Variants in SMARCA1 observed in about 807,000 individuals in gnomAD.
The protein encoded by SMARCA1 is SWI/SNF-related matrix-associated actin-dependent regulator of chromatin subfamily A member 1.
SMARCA1 carries 17 observed loss-of-function variants against 93.6 expected under a neutral mutation model. The observed-to-expected ratio is 0.18, with a 90% CI of 0.12 to 0.27. The LOEUF (loss-of-function observed/expected upper bound fraction) is 0.27, where lower values mean the gene tolerates loss of function less well. SMARCA1 is among the 10% of genes least tolerant of loss of function. The probability of loss-of-function intolerance (pLI) is 1.00; values close to 1 mark genes in which losing one functional copy is unlikely to be tolerated. For synonymous variants in SMARCA1, 271 were observed against 271.4 expected (o/e 1.00, Z 0.01); for missense variants, 630 against 819.0 (o/e 0.77, Z 2.82).
chrX:129,474,630 T>G (rs1248165537), intron 19 of SMARCA1, among the ~76,000 whole-genome samples: 1 of 112,031 alleles, frequency 8.9e-6, no homozygotes, highest in Non-Finnish European at 1.9e-5. Flanking sequence ...AAGAATGACT[T>G]CATGAAAGCT....
intron 5 of SMARCA1, among the ~76,000 whole-genome samples, chrX:129,515,172 G>A (rs373145861): frequency 3.6e-5 from 4 of 111,562 alleles, no homozygotes; most frequent in African/African-American, 1.3e-4. Flanking sequence ...GACCATTTGA[G>A]GAAAGCTCAG....
At chrX:129,475,305 G>T (rs760040349) in intron 19 of SMARCA1, among the ~76,000 whole-genome samples, 2 of 110,161 alleles carry the variant, frequency 1.8e-5, no homozygotes, top group East Asian at 5.7e-4. Flanking sequence ...GATCACCTGA[G>T]GTCAGGAGTT....
At chrX:129,496,688 T>G in intron 12 of SMARCA1, 62 bp downstream of exon 12, 5 of 1,067,827 alleles carry the variant, frequency 4.7e-6, no homozygotes, top group Non-Finnish European at 5.1e-6. Flanking sequence ...TACCTAATGT[T>G]GATATACATT....
chrX:129,466,563 G>A (rs988522308), intron 21 of SMARCA1, among the ~76,000 whole-genome samples: 5 of 110,900 alleles, frequency 4.5e-5, no homozygotes, highest in African/African-American at 1.6e-4. Flanking sequence ...GCTGAGGCGG[G>A]AGAATTGCTT....
intron 1 of SMARCA1, 152 bp downstream of exon 1, chrX:129,523,045 C>T: frequency 1.7e-6 from 1 of 602,022 alleles, no homozygotes; most frequent in Non-Finnish European, 2.5e-6. Context: ...GAGCGAACGC[C>T]AGGCGGTTCC....
intron 19 of SMARCA1, among the ~76,000 whole-genome samples, chrX:129,476,702 T>C (rs1274161815): frequency 1.8e-5 from 2 of 112,272 alleles, no homozygotes; most frequent in Non-Finnish European, 3.8e-5. Flanking sequence ...TTTGTTCATT[T>C]GAGGATAAAC....
At chrX:129,455,057 A>G (rs1481760011) in intron 23 of SMARCA1, among the ~76,000 whole-genome samples, 2 of 111,614 alleles carry the variant, frequency 1.8e-5, no homozygotes, top group Non-Finnish European at 3.8e-5. Context: ...CAATTCCTCA[A>G]AGATCTAGAA....
At chrX:129,467,122 GT>G (rs1489327324) in intron 21 of SMARCA1, among the ~76,000 whole-genome samples, 3 of 111,889 alleles carry the variant, frequency 2.7e-5, no homozygotes, top group African/African-American at 9.8e-5. Context: ...CACTTGCTAT[GT>G]ACAGGATACT....
Position 129,475,148 on chromosome X carries a change from C to CT in SMARCA1, c.2443-3823_2443-3822insA, listed in dbSNP as rs1422706412. 1.1e-3 allele frequency among the ~76,000 whole-genome samples: 115 copies of CT among 105,679 alleles called. 1 individual carries two copies. The highest frequency in any genetic ancestry group is 3.5e-3 in the African/African-American group (102 of 29,390). The allele number at this position is 105,679 out of a possible 115,157, so 91.8% of individuals were successfully genotyped here. A position where few individuals can be genotyped will look rare whatever the true frequency, so the allele number is the denominator to read the frequency against. On this transcript the variant is annotated intron_variant, in intron 19 of 24. Transcript: ENST00000371121. ...ATAGTCATCATTTTAATAAGACATACATTTTTTTTTTTTTACCTCATGAGG... is the reference window on the plus strand; with the variant it reads ...ATAGTCATCATTTTAATAAGACATACTATTTTTTTTTTTTTACCTCATGAGG...
chrX:129,467,819 G>T (rs1248103681), intron 21 of SMARCA1, among the ~76,000 whole-genome samples: 1 of 111,305 alleles, frequency 9.0e-6, no homozygotes, highest in Non-Finnish European at 1.9e-5. Flanking sequence ...GGGTTAAATA[G>T]ATTTGGGGCA....
intron 17 of SMARCA1, among the ~76,000 whole-genome samples, chrX:129,485,243 A>G (rs1236540940): frequency 8.9e-6 from 1 of 112,364 alleles, no homozygotes; most frequent in Non-Finnish European, 1.9e-5. Context: ...CATTTCTCAC[A>G]CTAGTGTGCC....
At chrX:129,471,823 A>G (rs1292654929) in intron 19 of SMARCA1, among the ~76,000 whole-genome samples, 2 of 111,799 alleles carry the variant, frequency 1.8e-5, no homozygotes, top group Admixed American at 9.5e-5. Flanking sequence ...GAAAGTTTGG[A>G]AAAAGTTAAC....
chrX:129,516,579 C>T, intron 2 of SMARCA1, 82 bp from the exon 3 acceptor site: 1 of 802,555 alleles, frequency 1.2e-6, no homozygotes, highest in Non-Finnish European at 1.8e-6. Flanking sequence ...CTTTGAACAA[C>T]ATTCTTAGCA....
chrX:129,485,708 G>C (rs1326406003), intron 17 of SMARCA1, among the ~76,000 whole-genome samples: 1 of 111,614 alleles, frequency 9.0e-6, no homozygotes, highest in Non-Finnish European at 1.9e-5. Context: ...CTCTCATGAA[G>C]GGCTTGGTGT....
chrX:129,483,227 C>T (rs773695579), intron 17 of SMARCA1, among the ~76,000 whole-genome samples: 1 of 111,914 alleles, frequency 8.9e-6, no homozygotes, highest in South Asian at 3.7e-4. Flanking sequence ...GAACTTGTAA[C>T]TCAAATAAAA....
chrX:129,478,185 C>A (rs923077771), intron 19 of SMARCA1, among the ~76,000 whole-genome samples: 1 of 111,803 alleles, frequency 8.9e-6, no homozygotes, highest in Non-Finnish European at 1.9e-5. Context: ...AAGCACAGAA[C>A]CACACAAATG....
chrX:129,512,258 C>T (rs914249570), intron 5 of SMARCA1, among the ~76,000 whole-genome samples: 1 of 112,189 alleles, frequency 8.9e-6, no homozygotes, highest in Non-Finnish European at 1.9e-5. Flanking sequence ...GAACATTTTC[C>T]TCCTAAAGGA....
chrX:129,483,751 A>G (rs1337771670), intron 17 of SMARCA1, among the ~76,000 whole-genome samples: 1 of 111,956 alleles, frequency 8.9e-6, no homozygotes, highest in Non-Finnish European at 1.9e-5. Flanking sequence ...CATTAATGCT[A>G]ACTTATCTGG....
chrX:129,501,680 C>A (rs1160829330), intron 9 of SMARCA1, among the ~76,000 whole-genome samples: 1 of 104,997 alleles, frequency 9.5e-6, no homozygotes, highest in African/African-American at 3.5e-5. Flanking sequence ...GTGGTGAGAT[C>A]TCGGCTCACT....
Sources: allele counts gnomAD v4.1 joint callset (sites outside exome capture counted in the v4.1 genomes callset), GRCh38; gene constraint gnomAD v4.1.1; transcripts MANE v1.5; gene names NCBI Gene and HGNC (gene_info 2026-07-23, HGNC 2026-07-21).